UPF2: variants seen among roughly 807,000 people sequenced by gnomAD.
UPF2 encodes UPF2 regulator of nonsense mediated mRNA decay, also known as regulator of nonsense transcripts 2.
In UPF2, 17 loss-of-function variants were observed where a neutral mutation model predicts 141.4. That is an observed-to-expected ratio of 0.12 (90% confidence interval 0.08 to 0.18). UPF2 has a LOEUF of 0.18. Ranked by LOEUF, UPF2 falls within the 10% of genes least tolerant of loss-of-function variation. UPF2 has a pLI of 1.00. For missense variants in UPF2, 1,152 were observed against 1,515.9 expected (o/e 0.76, Z 3.99); for synonymous variants, 540 against 498.0 (o/e 1.08, Z -1.12).
rs1834748164 is a variant in UPF2 at position 12,042,196 on chromosome 10, A to C, written c.-19+559T>G. ...TGGTGGTGTAGGAACCTCTAAACCC[A>C]CCACACTTCCCCGACACAACTCCCC... On this transcript the variant is annotated intron_variant, in intron 1 of 21. Coordinates refer to ENST00000357604, the MANE Select transcript of UPF2 (RefSeq NM_015542.4). The surrounding 1 kb of genome is among the most constrained non-coding windows in gnomAD (Gnocchi z 5.5). 7.1e-6 allele frequency among the ~76,000 whole-genome samples: 1 copy of C among 140,440 alleles called. No homozygotes were observed. The highest frequency in any genetic ancestry group is 2.7e-5 in the African/African-American group (1 of 36,672). 92.1% of individuals were successfully genotyped at this position (140,440 alleles called of 152,430 possible).
At chr10:11,928,710 GAAA>G (rs60281145) in intron 21 of UPF2, 13 of 298,452 alleles carry the variant, frequency 4.4e-5, no homozygotes, top group Non-Finnish European at 5.9e-5. Context: ...CTCCGCCTCA[GAAA>G]AAAAAAAAAC....
rs544682938 is a variant in UPF2 at position 11,974,772 on chromosome 10, T to TA, written c.1953+4284dup. 6.1e-3 allele frequency among the ~76,000 whole-genome samples: 932 copies of TA among 152,318 alleles called. 8 individuals are homozygous for TA. The highest frequency in any genetic ancestry group is 9.5e-3 in the Non-Finnish European group (647 of 68,030). ...AAGCTTTTTGATGTGCTGCTGGAAT[T>TA]AAAGAGTTTTGAAACTCTTTAAAAA... is the stretch of plus-strand genomic sequence containing the variant. On this transcript the variant is annotated intron_variant, in intron 9 of 21. Coordinates refer to ENST00000357604, the MANE Select transcript of UPF2 (RefSeq NM_015542.4).
rs1834007308 is a variant in UPF2 at position 12,004,712 on chromosome 10, A to G, written c.1322T>C (p.Ile441Thr). 6.2e-7 allele frequency: 1 copy of G among 1,612,880 alleles called. No homozygotes were observed. Among genetic ancestry groups the G allele is most frequent in the Non-Finnish European group, 8.5e-7 (1 of 1,179,618 alleles). The change falls in exon 5 of 22, where the codon ATT becomes ACT. Residue 441 changes from isoleucine to threonine, a missense_variant. Coordinates refer to ENST00000357604, the MANE Select transcript of UPF2 (RefSeq NM_015542.4). ...AGGTTTACCAGGTGTGAATATATCA[A>G]TTCCAGGCCCATGTTCTACAATAAA... Reference protein sequence around the residue: ...KPTPEEHGPGIDIFTPGKPGE... With the variant: ...KPTPEEHGPGTDIFTPGKPGE...
intron 13 of UPF2, 85 bp from the exon 14 acceptor site, chr10:11,955,592 A>T (rs1047132208): frequency 4.6e-6 from 6 of 1,308,850 alleles, no homozygotes; most frequent in Non-Finnish European, 4.2e-6. Context: ...TAACTTGAAA[A>T]TATCTATTAC....
At chr10:11,929,473 C>A (rs1832755208) in intron 21 of UPF2, among the ~76,000 whole-genome samples, 2 of 152,024 alleles carry the variant, frequency 1.3e-5, no homozygotes, top group Admixed American at 1.3e-4. Context: ...TCTGTCTCTA[C>A]AAAAGACATA....
At chr10:11,945,333 C>A (rs1358758731) in intron 16 of UPF2, among the ~76,000 whole-genome samples, 1 of 152,150 alleles carries the variant, frequency 6.6e-6, no homozygotes, top group Non-Finnish European at 1.5e-5. Context: ...GAATTCTAAC[C>A]CTTCTGTCTC....
chr10:11,945,706 G>A (rs1227376455), intron 16 of UPF2, among the ~76,000 whole-genome samples: 1 of 152,132 alleles, frequency 6.6e-6, no homozygotes, highest in African/African-American at 2.4e-5. Context: ...TGCACTTAGA[G>A]GAGGAAACAT....
chr10:12,004,603 A>G lies in UPF2; in HGVS notation c.1431T>C (p.Phe477=), dbSNP rs775633146. 3.1e-6 allele frequency: 5 copies of G among 1,613,878 alleles called. No homozygotes were observed. The South Asian group carries it at 3.3e-5, about 11-fold the overall frequency. Residue 477 remains phenylalanine, a synonymous_variant, in exon 5 of 22, where the codon TTT becomes TTC. Transcript: ENST00000357604. The part of the protein sequence containing the change: ...FYENLIDLKA[F]VPAILFKDNE... ...TGTCTTTAAACAAGATGGCTGGGAC[A>G]AAAGCCTTCAAATCAATGAGGTTCT...
intron 8 of UPF2, among the ~76,000 whole-genome samples, chr10:11,996,363 T>C (rs1833864564): frequency 1.3e-5 from 2 of 152,258 alleles, no homozygotes; most frequent in South Asian, 4.1e-4. Context: ...CTTTTTTTTT[T>C]TTGAGATGGA....
At chr10:12,029,769 G>A (rs10795920) in intron 2 of UPF2, among the ~76,000 whole-genome samples, 1 of 151,722 alleles carries the variant, frequency 6.6e-6, no homozygotes, top group African/African-American at 2.4e-5. Flanking sequence ...CAAGGCCAGC[G>A]TGGCCAATAT....
rs1400768326 is a variant in UPF2, at chr10:12,034,399, T to G, written c.365+660A>C. Among the ~76,000 whole-genome samples the G allele has an allele frequency of 1.3e-5, 2 of 151,992 alleles. 1 individual carries two copies. The highest frequency in any genetic ancestry group is 1.3e-4 in the Admixed American group (2 of 15,260). ...GTGCAGTGGCACAGTCTTGGCTCAC[T>G]GCAACCTCCACCTGCTAGGTTCAAG... On this transcript the variant is annotated intron_variant, in intron 2 of 21. Transcript: ENST00000357604.
In UPF2 at chr10:11,921,430, C is replaced by CA. The variant is rs1832643400; in HGVS notation, c.3810-124dup. 8.3e-7 allele frequency: 1 copy of CA among 1,204,618 alleles called. No homozygotes were observed. The highest frequency in any genetic ancestry group is 1.5e-5 in the African/African-American group (1 of 66,018). 74.6% of individuals were successfully genotyped at this position (1,204,618 alleles called of 1,614,324 possible). Reference sequence around the variant, plus strand: ...TCCCCCAAGTTACAGGTGGCCCTGGCATCTGCGGGTTCCACATCCATGGAC... The same window carrying CA: ...TCCCCCAAGTTACAGGTGGCCCTGGCAATCTGCGGGTTCCACATCCATGGAC... On this transcript the variant is annotated intron_variant, in intron 21 of 21. Coordinates refer to ENST00000357604, the MANE Select transcript of UPF2 (RefSeq NM_015542.4). This position sits in a 1 kb window ranked among gnomAD's most constrained non-coding sequence, Gnocchi z 5.9.
rs1040222059 is a variant in UPF2, at chr10:11,980,625, C to T, written c.1845-1460G>A. Among the ~76,000 whole-genome samples, 3 of 151,870 alleles carry T rather than the reference C, an allele frequency of 2.0e-5. No individual in the cohort carries two copies. The highest frequency in any genetic ancestry group is 7.3e-5 in the African/African-American group (3 of 41,312). Reference sequence around the variant, plus strand: ...ACAGATGCCTGCAATCCCAGCTACTCGGGAGACTGAGGCAGGAGAATCACT... The same window carrying T: ...ACAGATGCCTGCAATCCCAGCTACTTGGGAGACTGAGGCAGGAGAATCACT... On this transcript the variant is annotated intron_variant, in intron 8 of 21. Coordinates refer to ENST00000357604, the MANE Select transcript of UPF2 (RefSeq NM_015542.4). The surrounding 1 kb of genome is among the most constrained non-coding windows in gnomAD (Gnocchi z 4.2).
chr10:11,955,545 G>T (rs746711050), intron 13 of UPF2, 38 bp from the exon 14 acceptor site: 2 of 1,571,124 alleles, frequency 1.3e-6, no homozygotes, highest in African/African-American at 2.7e-5. Context: ...CATTAAAGAG[G>T]AGTAGTGTAT....
intron 5 of UPF2, among the ~76,000 whole-genome samples, chr10:12,004,066 AAC>A (rs1833995870): frequency 6.6e-6 from 1 of 152,142 alleles, no homozygotes; most frequent in Admixed American, 6.6e-5. Context: ...AAACCTGAGA[AAC>A]ACAATGTAAC....
chr10:11,959,656 A>T lies in UPF2; in HGVS notation c.2185-300T>A, dbSNP rs1430669103. ...ACACCTGTAGTCCCAGCTACTTGGGAGGTTGAGGTGGGTGGACAGCTTGAG... is the reference window on the plus strand; with the variant it reads ...ACACCTGTAGTCCCAGCTACTTGGGTGGTTGAGGTGGGTGGACAGCTTGAG... On this transcript the variant is annotated intron_variant, in intron 11 of 21. Transcript: ENST00000357604. The surrounding 1 kb of genome is among the most constrained non-coding windows in gnomAD (Gnocchi z 5.9). Among the ~76,000 whole-genome samples the T allele has an allele frequency of 6.6e-6, 1 of 152,096 alleles. No homozygotes were observed. Among genetic ancestry groups the T allele is most frequent in the Non-Finnish European group, 1.5e-5 (1 of 68,004 alleles).
intron 18 of UPF2, among the ~76,000 whole-genome samples, chr10:11,938,876 T>TTTTG (rs1832899618): frequency 9.2e-6 from 1 of 109,236 alleles, no homozygotes; most frequent in African/African-American, 3.5e-5. Context: ...TTTTTTTTTT[T>TTTTG]TTTTTTGGAG....
intron 3 of UPF2, chr10:12,026,643 A>G (rs1163001102): frequency 2.2e-6 from 1 of 449,268 alleles, no homozygotes; most frequent in Admixed American, 2.4e-5. Context: ...AAATTCCTAT[A>G]AACTTTTTTT....
intron 4 of UPF2, among the ~76,000 whole-genome samples, chr10:12,011,392 G>A (rs1159682532): frequency 6.6e-6 from 1 of 152,024 alleles, no homozygotes; most frequent in Non-Finnish European, 1.5e-5. Context: ...TGAGCTCAAA[G>A]TTCGAGACCA....
Sources: allele counts gnomAD v4.1 joint callset (sites outside exome capture counted in the v4.1 genomes callset), GRCh38; gene constraint gnomAD v4.1.1; non-coding constraint Gnocchi (gnomAD v3.1); transcripts MANE v1.5; gene names NCBI Gene and HGNC (gene_info 2026-07-23, HGNC 2026-07-21).